AARSD1: variants seen among roughly 807,000 people sequenced by gnomAD.
AARSD1 encodes the protein alanyl-tRNA synthetase domain containing 1.
AARSD1 carries 44 observed loss-of-function variants against 48.7 expected under a neutral mutation model. That is an observed-to-expected ratio of 0.90 (90% CI 0.71 to 1.16). AARSD1 has a LOEUF of 1.16. Among genes scored for constraint, AARSD1 ranks in the 50% most tolerant of loss-of-function variants. The pLI is 0.00. For missense variants in AARSD1, 511 were observed against 523.1 expected (o/e 0.98, Z 0.23); for synonymous variants, 189 against 194.9 (o/e 0.97, Z 0.25).
At chr17:42,957,243 C>T (rs762005338) in intron 3 of AARSD1, 48 bp from the exon 4 acceptor site, 2 of 1,606,202 alleles carry the variant, frequency 1.2e-6, no homozygotes, top group Non-Finnish European at 1.7e-6. Flanking sequence ...AGCCTACATA[C>T]TCCCACAATG....
chr17:42,964,356 G>T (rs759131438), intron 1 of AARSD1, 46 bp downstream of exon 1: 1 of 1,568,262 alleles, frequency 6.4e-7, no homozygotes, highest in Non-Finnish European at 8.6e-7. Flanking sequence ...TCCCCAAACC[G>T]CCTTGCCGGC....
Position 42,964,078 on chromosome 17 carries a change from G to C in AARSD1, c.171+28C>G, listed in dbSNP as rs768361202. The C allele has an allele frequency of 9.3e-6, 15 of 1,613,530 alleles. 1 individual carries two copies. The South Asian group carries it at 1.5e-4, about 17-fold the overall frequency. ...CGGCCTGAGCACAAAGAAACTGGGGGCTTCCTGGGAAGAGATCGTTTTGGT... is the reference window on the plus strand; with the variant it reads ...CGGCCTGAGCACAAAGAAACTGGGGCCTTCCTGGGAAGAGATCGTTTTGGT... On this transcript the variant is annotated intron_variant, in intron 2 of 11. Coordinates refer to ENST00000427569, the MANE Select transcript of AARSD1 (RefSeq NM_001261434.2).
intron 5 of AARSD1, 28 bp downstream of exon 5, chr17:42,956,376 G>A (rs780767654): frequency 1.2e-6 from 2 of 1,614,094 alleles, no homozygotes; most frequent in Admixed American, 1.7e-5. Flanking sequence ...TCATTCCGCA[G>A]AAACCATCCC....
intron 2 of AARSD1, among the ~76,000 whole-genome samples, chr17:42,962,886 G>C (rs936835106): frequency 6.6e-6 from 1 of 152,146 alleles, no homozygotes; most frequent in African/African-American, 2.4e-5. Context: ...AGCCAAGCAT[G>C]TTGGTTGTGC....
intron 3 of AARSD1, among the ~76,000 whole-genome samples, chr17:42,959,407 G>C (rs573968859): frequency 6.6e-6 from 1 of 151,480 alleles, no homozygotes; most frequent in Non-Finnish European, 1.5e-5. Context: ...GTAGAGACAG[G>C]GTTTCACAAT....
intron 1 of AARSD1, 44 bp from the exon 2 acceptor site, chr17:42,964,281 AGC>A (rs750653483): frequency 5.5e-6 from 8 of 1,454,268 alleles, no homozygotes; most frequent in Non-Finnish European, 7.2e-6. Flanking sequence ...CCCCAGCCCT[AGC>A]CCTAGCCCTC....
intron 6 of AARSD1, 103 bp from the exon 7 acceptor site, chr17:42,956,075 C>T: frequency 1.2e-6 from 2 of 1,609,614 alleles, no homozygotes; most frequent in South Asian, 1.1e-5. Context: ...TGTTCCTCAG[C>T]TCTGAAACAG....
Position 42,956,572 on chromosome 17 carries a change from A to T in AARSD1, c.390-12T>A, listed in dbSNP as rs1481162249. 1.9e-6 allele frequency: 3 copies of T among 1,596,166 alleles called. No individual in the cohort carries two copies. The highest frequency in any genetic ancestry group is 2.6e-6 in the Non-Finnish European group (3 of 1,170,876). On this transcript the variant is annotated splice_polypyrimidine_tract_variant and intron_variant, in intron 4 of 11. Coordinates refer to ENST00000427569, the MANE Select transcript of AARSD1 (RefSeq NM_001261434.2). ...ATCTCCCTAACTCCCTGTCAGAAGTACAGTGGCCACAGATAACATATCTTA... is the reference window on the plus strand; with the variant it reads ...ATCTCCCTAACTCCCTGTCAGAAGTTCAGTGGCCACAGATAACATATCTTA...
chr17:42,964,083 C>T (rs761747372), intron 2 of AARSD1, 23 bp downstream of exon 2: 4 of 1,613,922 alleles, frequency 2.5e-6, no homozygotes, highest in Non-Finnish European at 3.4e-6. Flanking sequence ...TGGGGGCTTC[C>T]TGGGAAGAGA....
intron 7 of AARSD1, 79 bp downstream of exon 7, chr17:42,955,763 A>T: frequency 6.3e-7 from 1 of 1,591,246 alleles, no homozygotes; most frequent in Non-Finnish European, 8.6e-7. Context: ...TTACGATTGC[A>T]TCTTATCTCC....
At position 42,950,709 on chromosome 17, in the gene AARSD1, C is replaced by T. The variant is rs147427139; in HGVS notation, c.1123G>A (p.Gly375Ser). ...CGGCCTTTCTTCCCTGCTCCTTTGC[C>T]TTCCAGGACCTCAGCCACCCTGGGG... is the stretch of plus-strand genomic sequence containing the variant. ...LGPRVAEVLE[G>S]KGAGKKGRFQ... The change falls in exon 12 of 12, where the codon GGC becomes AGC. Residue 375 changes from glycine (G) to serine (S), a missense_variant. Coordinates refer to ENST00000427569, the MANE Select transcript of AARSD1 (RefSeq NM_001261434.2). 2 of 1,613,694 alleles carry T rather than the reference C, an allele frequency of 1.2e-6. No individual in the cohort carries two copies. Among genetic ancestry groups the T allele is most frequent in the Non-Finnish European group, 1.7e-6 (2 of 1,179,980 alleles).
chr17:42,959,651 C>G (rs1207134381), intron 3 of AARSD1, among the ~76,000 whole-genome samples: 5 of 151,710 alleles, frequency 3.3e-5, no homozygotes, highest in African/African-American at 9.7e-5. Flanking sequence ...AGCCACAGTG[C>G]CCAGCCATTT....
rs758510812 is a variant in AARSD1 at position 42,956,557 on chromosome 17, C to G, written c.393G>C (p.Glu131Asp). 1 of 1,610,022 alleles carries G rather than the reference C, an allele frequency of 6.2e-7. No individual in the cohort carries two copies. Among genetic ancestry groups the G allele is most frequent in the South Asian group, 1.1e-5 (1 of 90,556 alleles). Residue 131 changes from glutamate (E) to aspartate (D), a missense_variant, in exon 5 of 12, where the codon GAG (glutamate) becomes GAC (aspartate). Transcript: ENST00000427569. ...CAATCGCACTCCGAAATCTCCCTAA[C>G]TCCCTGTCAGAAGTACAGTGGCCAC... ...HLFKLKTTSWELGRFRSAIEL... is the reference protein window; with the variant it reads ...HLFKLKTTSWDLGRFRSAIEL...
intron 3 of AARSD1, among the ~76,000 whole-genome samples, chr17:42,958,839 A>AT (rs2049593278): frequency 6.7e-6 from 1 of 148,738 alleles, no homozygotes; most frequent in Non-Finnish European, 1.5e-5. Flanking sequence ...AGTGCCTGGG[A>AT]TTACAGGCAT....
chr17:42,950,536 AT>A lies in AARSD1; in HGVS notation c.*56del. 1.3e-6 allele frequency: 2 copies of A among 1,554,068 alleles called. No individual in the cohort carries two copies. Among genetic ancestry groups the A allele is most frequent in the Non-Finnish European group, 1.7e-6 (2 of 1,148,430 alleles). On this transcript the variant is annotated 3_prime_UTR_variant, in exon 12 of 12. Coordinates refer to ENST00000427569, the MANE Select transcript of AARSD1 (RefSeq NM_001261434.2). ...GTGGTAGCGCAACCATTCTGAGTCA[AT>A]CTATTTTATTGACCAAAAGATTCCT...
At chr17:42,954,023 A>C in intron 9 of AARSD1, 1 of 536,446 alleles carries the variant, frequency 1.9e-6, no homozygotes, top group Non-Finnish European at 3.4e-6. Context: ...ATAAGCAGAA[A>C]TCTGTTAGAG....
At position 42,955,139 on chromosome 17, in the gene AARSD1, C is replaced by G; in HGVS notation, c.861+19G>C. The G allele has an allele frequency of 1.9e-6, 3 of 1,614,130 alleles. No individual in the cohort carries two copies. Among genetic ancestry groups the G allele is most frequent in the Non-Finnish European group, 2.5e-6 (3 of 1,180,004 alleles). On this transcript the variant is annotated intron_variant, in intron 8 of 11. Coordinates refer to ENST00000427569, the MANE Select transcript of AARSD1 (RefSeq NM_001261434.2). The stretch of plus-strand genomic sequence containing the variant: ...TAGGCAGGGCCCATGCCCTCTCTAC[C>G]CTCCATGGAATAAATCACCTTCTGC...
At position 42,951,800 on chromosome 17, in the gene AARSD1, C is replaced by T. The variant is rs762115405; in HGVS notation, c.1103G>A (p.Arg368Lys). ...TGCAAGAGAGTCCACAAAGAATTAC[C>T]TGGGCCCCAGGGTCTCCACAGACGC... is the stretch of plus-strand genomic sequence containing the variant. ...PPASVETLGPRVAEVLEGKGA... is the reference protein window; with the variant it reads ...PPASVETLGPKVAEVLEGKGA... Residue 368 changes from arginine to lysine, a missense_variant and splice_region_variant, in exon 11 of 12, where the codon AGG (arginine) becomes AAG (lysine). Arg to Lys is a conservative substitution (Grantham distance 26). Coordinates refer to ENST00000427569, the MANE Select transcript of AARSD1 (RefSeq NM_001261434.2). 2 of 1,613,986 alleles carry T rather than the reference C, an allele frequency of 1.2e-6. No individual in the cohort carries two copies. The highest frequency in any genetic ancestry group is 3.3e-5 in the Admixed American group (2 of 59,988).
intron 11 of AARSD1, among the ~76,000 whole-genome samples, chr17:42,951,224 AAAC>A (rs1353702799): frequency 1.3e-5 from 2 of 152,154 alleles, no homozygotes; most frequent in African/African-American, 4.8e-5. Flanking sequence ...GAATAACTGG[AAAC>A]AACATCAGTG....
Sources: allele counts gnomAD v4.1 joint callset (sites outside exome capture counted in the v4.1 genomes callset), GRCh38; gene constraint gnomAD v4.1.1; transcripts MANE v1.5; gene names NCBI Gene and HGNC (gene_info 2026-07-23, HGNC 2026-07-21).